Variants in PARD3 observed in about 807,000 individuals in gnomAD.
The protein encoded by PARD3 is par-3 family cell polarity regulator.
A neutral mutation model predicts 155.4 loss-of-function variants in PARD3; 75 were observed. The observed-to-expected ratio is 0.48, with a 90% CI of 0.40 to 0.58. The LOEUF (loss-of-function observed/expected upper bound fraction) is 0.58, where lower values mean the gene tolerates loss of function less well. PARD3 is among the 20% of genes least tolerant of loss of function. PARD3 has a pLI of 0.00. For missense variants in PARD3, 1,642 were observed against 1,721.7 expected, an observed-to-expected ratio of 0.95 and a Z score of 0.82; for synonymous variants, 576 against 610.5, an observed-to-expected ratio of 0.94 and a Z score of 0.83.
At position 34,756,468 on chromosome 10, in the gene PARD3, T is replaced by C. The variant is rs569683216; in HGVS notation, c.120+58408A>G. 5.4e-3 allele frequency among the ~76,000 whole-genome samples: 739 copies of C among 136,936 alleles called. 7 individuals carry two copies. The highest frequency in any genetic ancestry group is 0.019 in the African/African-American group (704 of 36,938). The allele number at this position is 136,936 out of a possible 152,430, so 89.8% of individuals were successfully genotyped here. ...GCGCCCAGCCAATGCACCTTTTTTT[T>C]TTTTCTTATAAAAAAAAAAAAAAAA... On this transcript the variant is annotated intron_variant, in intron 1 of 24. Coordinates refer to ENST00000374788, the MANE Select transcript of PARD3 (RefSeq NM_001184785.2).
intron 20 of PARD3, among the ~76,000 whole-genome samples, chr10:34,299,407 G>A (rs551901080): frequency 1.7e-4 from 26 of 152,336 alleles, no homozygotes; most frequent in African/African-American, 6.0e-4. Context: ...TTTCTATTAT[G>A]TTGGCTGTTA....
chr10:34,749,894 C>T (rs1037611652), intron 1 of PARD3, among the ~76,000 whole-genome samples: 1 of 151,960 alleles, frequency 6.6e-6, no homozygotes, highest in Non-Finnish European at 1.5e-5. Context: ...TGGTGGTGTG[C>T]GCCTGTGGTC....
Position 34,675,964 on chromosome 10 carries a change from G to GA in PARD3, c.222+20353dup, listed in dbSNP as rs1590584809. The GA allele has an allele frequency of 2.5e-5, 4 of 157,146 alleles. No individual in the cohort carries two copies. The East Asian group carries it at 6.7e-4, about 26-fold the overall frequency. 9.7% of individuals were successfully genotyped at this position (157,146 alleles called of 1,614,324 possible). ...TCTCATGTGCTGGGCCATCATGGAC[G>GA]AGAGTGGTCTTCAGCACCGCTTGTA... On this transcript the variant is annotated intron_variant, in intron 2 of 24. Transcript: ENST00000374788.
intron 1 of PARD3, among the ~76,000 whole-genome samples, chr10:34,743,402 G>A (rs568089569): frequency 2.6e-5 from 4 of 152,178 alleles, no homozygotes; most frequent in Non-Finnish European, 5.9e-5. Flanking sequence ...TTCTTTGATT[G>A]ACCTAAGAAA....
At chr10:34,784,864 G>A (rs55984809) in intron 1 of PARD3, among the ~76,000 whole-genome samples, 4,694 of 152,110 alleles carry the variant, frequency 0.031, 245 homozygotes, top group African/African-American at 0.11. Flanking sequence ...GTTCATCAGC[G>A]CAAAACCTCC....
chr10:34,377,970 T>TA lies in PARD3; in HGVS notation c.1535dup (p.Glu513ArgfsTer62). On this transcript the variant is annotated frameshift_variant, in exon 10 of 25. Coordinates refer to ENST00000374788, the MANE Select transcript of PARD3 (RefSeq NM_001184785.2). LOFTEE classifies it high-confidence loss of function. Reference sequence around the variant, plus strand: ...TCCTGCTGGGGAAGTCACTTACCTCTATAAGTCTGTCTCCTGCCTTAAGTC... The same window carrying TA: ...TCCTGCTGGGGAAGTCACTTACCTCTAATAAGTCTGTCTCCTGCCTTAAGTC... 6.4e-7 allele frequency: 1 copy of TA among 1,568,732 alleles called. No homozygotes were observed.
At chr10:34,173,324 G>A (rs780466718) in intron 22 of PARD3, among the ~76,000 whole-genome samples, 2 of 152,146 alleles carry the variant, frequency 1.3e-5, no homozygotes, top group Non-Finnish European at 2.9e-5. Flanking sequence ...CCATGTCCAC[G>A]GTACCAGGAT....
chr10:34,260,557 T>G (rs1214157732), intron 22 of PARD3, among the ~76,000 whole-genome samples: 1 of 151,642 alleles, frequency 6.6e-6, no homozygotes, highest in Non-Finnish European at 1.5e-5. Context: ...TTTGGAAGAG[T>G]TGCTAACATG....
rs568352694 is a variant in PARD3, at chr10:34,207,194, A to G, written c.3419+62463T>C. On this transcript the variant is annotated intron_variant, in intron 22 of 24. Coordinates refer to ENST00000374788, the MANE Select transcript of PARD3 (RefSeq NM_001184785.2). ...CCTCAAATACTTCCTCCTTTATCTC[A>G]CACAGGGGCTCATGATGAGTTAAAA... is the stretch of plus-strand genomic sequence containing the variant. 2.6e-5 allele frequency among the ~76,000 whole-genome samples: 4 copies of G among 152,270 alleles called. No individual in the cohort carries two copies. The South Asian group carries it at 8.3e-4, about 32-fold the overall frequency.
chr10:34,575,773 G>A (rs1297179159), intron 2 of PARD3, among the ~76,000 whole-genome samples: 1 of 152,104 alleles, frequency 6.6e-6, no homozygotes, highest in Non-Finnish European at 1.5e-5. Context: ...GCGGGTGCCT[G>A]TAATCCCAGC....
chr10:34,455,247 A>C (rs2077272820), intron 4 of PARD3, among the ~76,000 whole-genome samples: 1 of 152,176 alleles, frequency 6.6e-6, no homozygotes, highest in Non-Finnish European at 1.5e-5. Context: ...CATATTTTGA[A>C]ATACAAAATA....
chr10:34,676,657 G>A (rs1188475259), intron 2 of PARD3, among the ~76,000 whole-genome samples: 5 of 152,126 alleles, frequency 3.3e-5, no homozygotes, highest in African/African-American at 7.2e-5. Flanking sequence ...AATGCTCGGC[G>A]GAATTTAATT....
chr10:34,339,697 C>T (rs142901913), intron 16 of PARD3, among the ~76,000 whole-genome samples: 206 of 152,200 alleles, frequency 1.4e-3, no homozygotes, highest in African/African-American at 4.6e-3. Context: ...ACATGGCCTT[C>T]GACAACTGTG....
chr10:34,207,020 G>A (rs1951511810), intron 22 of PARD3, among the ~76,000 whole-genome samples: 1 of 152,162 alleles, frequency 6.6e-6, no homozygotes, highest in Non-Finnish European at 1.5e-5. Context: ...AGCTGTCACT[G>A]TGTGCCCAGC....
At position 34,374,920 on chromosome 10, in the gene PARD3, C is replaced by G; in HGVS notation, c.1622G>C (p.Ser541Thr). 1 of 1,613,946 alleles carries G rather than the reference C, an allele frequency of 6.2e-7. No individual in the cohort carries two copies. Among genetic ancestry groups the G allele is most frequent in the Non-Finnish European group, 8.5e-7 (1 of 1,179,856 alleles). Residue 541 changes from serine to threonine, a missense_variant, in exon 11 of 25, where the codon AGC becomes ACC. This residue lies in a region of PARD3 where 1,529 missense variants were observed against 1,587.3 expected (regional missense o/e 0.96). Transcript: ENST00000374788. ...LRSTKMEGTV[S>T]LLVFRQEDAF... Reference sequence around the variant, plus strand: ...GTCTTCCTGGCGAAAGACCAGAAGGCTCACAGTTCCTTCCATCTTGGTGCT... The same window carrying G: ...GTCTTCCTGGCGAAAGACCAGAAGGGTCACAGTTCCTTCCATCTTGGTGCT...
chr10:34,290,652 T>C (rs1397584850), intron 20 of PARD3, among the ~76,000 whole-genome samples: 1 of 152,220 alleles, frequency 6.6e-6, no homozygotes, highest in African/African-American at 2.4e-5. Flanking sequence ...TTCTACATAT[T>C]TGCACTATCA....
intron 3 of PARD3, among the ~76,000 whole-genome samples, chr10:34,515,280 A>G (rs1254901461): frequency 6.6e-6 from 1 of 152,246 alleles, no homozygotes; most frequent in African/African-American, 2.4e-5. Context: ...TAAACAGTAT[A>G]TCCTAGTAGT....
At chr10:34,168,598 G>A (rs745795350) in intron 22 of PARD3, among the ~76,000 whole-genome samples, 4 of 152,140 alleles carry the variant, frequency 2.6e-5, no homozygotes, top group Non-Finnish European at 5.9e-5. Context: ...GCGAGGAGCT[G>A]CACTCTGATA....
intron 3 of PARD3, among the ~76,000 whole-genome samples, chr10:34,495,436 G>A (rs1398160030): frequency 6.6e-6 from 1 of 152,190 alleles, no homozygotes; most frequent in Non-Finnish European, 1.5e-5. Context: ...TAATCACTCG[G>A]ATAATCAAGG....
Sources: allele counts gnomAD v4.1 joint callset (sites outside exome capture counted in the v4.1 genomes callset), GRCh38; gene constraint gnomAD v4.1.1; regional missense constraint gnomAD v4.1.1; transcripts MANE v1.5; gene names NCBI Gene and HGNC (gene_info 2026-07-23, HGNC 2026-07-21).